The following MFSD11 variants were observed in gnomAD, a reference collection of about 807,000 sequenced individuals.
MFSD11 encodes major facilitator superfamily domain containing 11.
In MFSD11, 36 loss-of-function variants were observed where a neutral mutation model predicts 53.5. That is an observed-to-expected ratio of 0.67 (90% CI 0.52 to 0.89). MFSD11 has a LOEUF of 0.89. MFSD11 is among the 40% of genes least tolerant of loss of function. The pLI, the probability that MFSD11 is intolerant of heterozygous loss-of-function variation, is 0.00. For missense variants in MFSD11, 530 were observed against 543.9 expected, an observed-to-expected ratio of 0.97 and a Z score of 0.25; for synonymous variants, 186 against 184.9, an observed-to-expected ratio of 1.01 and a Z score of -0.05.
chr17:76,767,369 A>C lies in MFSD11; in HGVS notation c.683-17A>C, dbSNP rs930751530. On this transcript the variant is annotated splice_polypyrimidine_tract_variant and intron_variant, in intron 8 of 12. Coordinates refer to ENST00000685175, the MANE Select transcript of MFSD11 (RefSeq NM_001242532.5). ...ACTAAAATCTAATTAAGTACTCTTAAATTTTTGTGTTTACAGAAAAGTCTT... is the reference window on the plus strand; with the variant it reads ...ACTAAAATCTAATTAAGTACTCTTACATTTTTGTGTTTACAGAAAAGTCTT... The C allele has an allele frequency of 1.7e-5, 26 of 1,539,088 alleles. No individual in the cohort carries two copies. The highest frequency in any genetic ancestry group is 2.3e-5 in the Non-Finnish European group (26 of 1,118,392).
chr17:76,761,081 T>C (rs1457606118), intron 8 of MFSD11, among the ~76,000 whole-genome samples: 1 of 152,056 alleles, frequency 6.6e-6, no homozygotes, highest in African/African-American at 2.4e-5. Flanking sequence ...GGTGAGTGCC[T>C]GTAATCCCAA....
At chr17:76,770,446 A>G (rs2081293370) in intron 10 of MFSD11, among the ~76,000 whole-genome samples, 1 of 152,126 alleles carries the variant, frequency 6.6e-6, no homozygotes, top group Admixed American at 6.6e-5. Flanking sequence ...TTCCTCCTAA[A>G]ATATTTAGAA....
In MFSD11 at chr17:76,741,037, C is replaced by CT. The variant is rs753389689; in HGVS notation, c.234dup (p.Met79TyrfsTer51). ...GTTGCCATTGTAGGACCTCAACTCT[C>CT]TATGTTTGCCAGTGGTTTATTTTAC... On this transcript the variant is annotated frameshift_variant, in exon 3 of 13. Transcript: ENST00000685175. LOFTEE classifies it high-confidence loss of function. The CT allele has an allele frequency of 3.6e-5, 58 of 1,610,312 alleles. No individual in the cohort carries two copies. Among genetic ancestry groups the CT allele is most frequent in the Non-Finnish European group, 4.8e-5 (57 of 1,177,112 alleles).
At chr17:76,801,943 C>T in the MFSD11 span, among the ~76,000 whole-genome samples, 1 of 152,044 alleles carries the variant, frequency 6.6e-6, no homozygotes, top group Non-Finnish European at 1.5e-5. Context: ...TTACCCACCC[C>T]CTATTCAAGA....
At chr17:76,758,821 G>A (rs906100179) in intron 8 of MFSD11, among the ~76,000 whole-genome samples, 3 of 152,010 alleles carry the variant, frequency 2.0e-5, no homozygotes, top group Admixed American at 6.6e-5. Flanking sequence ...GTGGGGCATG[G>A]ACACTCCATT....
At chr17:76,761,814 G>T (rs2080270540) in intron 8 of MFSD11, among the ~76,000 whole-genome samples, 1 of 151,952 alleles carries the variant, frequency 6.6e-6, no homozygotes, top group South Asian at 2.1e-4. Flanking sequence ...CCAGCTACTT[G>T]GGAGGCTGAG....
chr17:76,781,087 G>A (rs75660180), downstream of MFSD11: 821 of 152,296 alleles, frequency 5.4e-3, 8 homozygotes, highest in African/African-American at 7.7e-3. Flanking sequence ...AGTCCTGAGC[G>A]TCTCTCCAGG....
intron 8 of MFSD11, among the ~76,000 whole-genome samples, chr17:76,757,047 T>C (rs2079721010): frequency 6.6e-6 from 1 of 152,038 alleles, no homozygotes; most frequent in Admixed American, 6.6e-5. Flanking sequence ...GCTTACTTGG[T>C]GAGATCGGAG....
chr17:76,771,668 G>A (rs553638475), intron 10 of MFSD11, among the ~76,000 whole-genome samples: 2 of 152,310 alleles, frequency 1.3e-5, no homozygotes, highest in Admixed American at 1.3e-4. Flanking sequence ...GTCTATATTG[G>A]GCATCCAATA....
At chr17:76,747,623 G>A (rs1046676492) in intron 7 of MFSD11, among the ~76,000 whole-genome samples, 1 of 152,116 alleles carries the variant, frequency 6.6e-6, no homozygotes, top group Non-Finnish European at 1.5e-5. Context: ...GTGAGCCACC[G>A]CGCCTGGCAA....
chr17:76,747,682 G>A (rs1196620795), intron 7 of MFSD11, among the ~76,000 whole-genome samples: 1 of 152,168 alleles, frequency 6.6e-6, no homozygotes, highest in East Asian at 1.9e-4. Context: ...GAAGGAGTCT[G>A]TGAAAGTGAA....
chr17:76,736,728 A>G, upstream of MFSD11: 1 of 1,367,118 alleles, frequency 7.3e-7, no homozygotes, highest in Non-Finnish European at 9.4e-7. Context: ...TTCGCCGCGG[A>G]CCTTTGTGAG....
At chr17:76,770,959 C>T (rs1226089148) in intron 10 of MFSD11, among the ~76,000 whole-genome samples, 1 of 152,352 alleles carries the variant, frequency 6.6e-6, no homozygotes, top group South Asian at 2.1e-4. Context: ...GGCTCATTCA[C>T]TTTGGGAGGC....
chr17:76,748,522 T>G (rs2078753040), intron 7 of MFSD11, among the ~76,000 whole-genome samples: 1 of 150,348 alleles, frequency 6.7e-6, no homozygotes, highest in Admixed American at 6.6e-5. Context: ...TAGTCTCTAC[T>G]TAAAAAAAAA....
At chr17:76,793,167 C>T in the MFSD11 span, among the ~76,000 whole-genome samples, 13 of 151,266 alleles carry the variant, frequency 8.6e-5, 3 homozygotes, top group African/African-American at 3.2e-4. Flanking sequence ...GAGCAGACAA[C>T]CAGTCTGATC....
chr17:76,798,305 C>T, the MFSD11 span, among the ~76,000 whole-genome samples: 11 of 152,214 alleles, frequency 7.2e-5, no homozygotes, highest in East Asian at 1.9e-4. Context: ...CTCTATGCCC[C>T]GTCCAGGGAT....
intron 6 of MFSD11, 56 bp downstream of exon 6, chr17:76,743,512 T>C: frequency 4.6e-6 from 5 of 1,093,316 alleles, no homozygotes; most frequent in Admixed American, 2.6e-5. Context: ...ATAGGAGTTA[T>C]ATAGAAATAC....
In MFSD11 at chr17:76,779,235, CAA is replaced by C. The variant is rs1251435412; in HGVS notation, c.*884_*885del. ...TGCCATTGCACTCCAGCCTGGATGA[CAA>C]GAGTGAAACTCCATCTCAAAAAAAA... On this transcript the variant is annotated 3_prime_UTR_variant, in exon 13 of 13. Coordinates refer to ENST00000685175, the MANE Select transcript of MFSD11 (RefSeq NM_001242532.5). 2 of 83,540 alleles carry C rather than the reference CAA, an allele frequency of 2.4e-5. No homozygotes were observed. Among genetic ancestry groups the C allele is most frequent in the African/African-American group, 4.9e-5 (1 of 20,316 alleles). 5.2% of individuals were successfully genotyped at this position (83,540 alleles called of 1,614,324 possible). A position where few individuals can be genotyped will look rare whatever the true frequency, so the allele number is the denominator to read the frequency against.
chr17:76,739,088 G>A (rs978684374), intron 2 of MFSD11, 95 bp downstream of exon 2: 4 of 944,790 alleles, frequency 4.2e-6, no homozygotes, highest in Admixed American at 3.8e-5. Flanking sequence ...GATTGAATAA[G>A]TGGTGATGGC....
Sources: allele counts gnomAD v4.1 joint callset (sites outside exome capture counted in the v4.1 genomes callset), GRCh38; gene constraint gnomAD v4.1.1; transcripts MANE v1.5; gene names NCBI Gene and HGNC (gene_info 2026-07-23, HGNC 2026-07-21).